Variants in SLC1A3 observed in about 807,000 individuals in gnomAD.
SLC1A3 encodes excitatory amino acid transporter 1.
SLC1A3 carries 21 observed loss-of-function variants against 48.1 expected under a neutral mutation model. The ratio of observed to expected loss-of-function variants is 0.44; its 90% CI spans 0.31 to 0.63. SLC1A3 has a LOEUF of 0.63. SLC1A3 is among the 20% of genes least tolerant of loss of function. The pLI is 0.08. For synonymous variants in SLC1A3, 239 were observed against 251.4 expected, an observed-to-expected ratio of 0.95 and a Z score of 0.47; for missense variants, 546 against 689.0, an observed-to-expected ratio of 0.79 and a Z score of 2.32.
intron 4 of SLC1A3, among the ~76,000 whole-genome samples, chr5:36,671,563 C>A (rs546998823): frequency 6.6e-6 from 1 of 152,288 alleles, no homozygotes; most frequent in South Asian, 2.1e-4. Flanking sequence ...AACTGCTGTT[C>A]TTTAAGGCTA....
intron 5 of SLC1A3, among the ~76,000 whole-genome samples, chr5:36,675,169 T>G (rs1024124250): frequency 1.3e-5 from 2 of 152,144 alleles, no homozygotes; most frequent in African/African-American, 4.8e-5. Context: ...CCTTTGTTTT[T>G]TTTCCCCTTG....
intron 3 of SLC1A3, among the ~76,000 whole-genome samples, chr5:36,664,080 A>G (rs942009371): frequency 1.3e-5 from 2 of 152,224 alleles, no homozygotes; most frequent in African/African-American, 2.4e-5. Context: ...GATCATAGGA[A>G]ACAAAGATGG....
chr5:36,620,465 T>C (rs1467451715), intron 2 of SLC1A3, among the ~76,000 whole-genome samples: 1 of 152,214 alleles, frequency 6.6e-6, no homozygotes, highest in Non-Finnish European at 1.5e-5. Flanking sequence ...AGAGGGGACA[T>C]TCCTTAGGGT....
intron 3 of SLC1A3, among the ~76,000 whole-genome samples, chr5:36,648,676 G>A (rs564244382): frequency 1.3e-5 from 2 of 152,308 alleles, no homozygotes; most frequent in South Asian, 4.1e-4. Flanking sequence ...AAAAAGTGCA[G>A]CGTCATCAAG....
At chr5:36,655,744 T>G (rs563928314) in intron 3 of SLC1A3, among the ~76,000 whole-genome samples, 1 of 152,318 alleles carries the variant, frequency 6.6e-6, no homozygotes, top group South Asian at 2.1e-4. Context: ...TCATCAAGCC[T>G]TTTGGGTTCC....
At chr5:36,644,014 A>AAAAT (rs57649957) in intron 3 of SLC1A3, among the ~76,000 whole-genome samples, 10,256 of 101,550 alleles carry the variant, frequency 0.1, 603 homozygotes, top group African/African-American at 0.2. Context: ...TCCGTCTCAA[A>AAAAT]AAATAAATAA....
At chr5:36,599,869 TG>T (rs1738788472) in intron 1 of SLC1A3, among the ~76,000 whole-genome samples, 2 of 152,028 alleles carry the variant, frequency 1.3e-5, no homozygotes, top group Admixed American at 1.3e-4. Context: ...CCAGGCTGGA[TG>T]GAGTGCAGTG....
Position 36,686,294 on chromosome 5 carries a change from GA to G in SLC1A3, c.*26del. On this transcript the variant is annotated 3_prime_UTR_variant, in exon 10 of 10. Transcript: ENST00000265113. ...GACTAACATAAAGAAACACTTTCTT[GA>G]GCACCAGGTGTTAAAAACCATTATA... 1.9e-6 allele frequency: 3 copies of G among 1,542,846 alleles called. No individual in the cohort carries two copies. The highest frequency in any genetic ancestry group is 1.4e-5 in the African/African-American group (1 of 73,474).
intron 3 of SLC1A3, among the ~76,000 whole-genome samples, chr5:36,652,199 G>A (rs146461325): frequency 6.6e-6 from 1 of 152,300 alleles, no homozygotes; most frequent in African/African-American, 2.4e-5. Context: ...GCTGTTGAAA[G>A]CAGTGAGTGT....
At chr5:36,612,067 GCGCACACACACACACA>G (rs372266079) in intron 2 of SLC1A3, among the ~76,000 whole-genome samples, 205 of 144,562 alleles carry the variant, frequency 1.4e-3, no homozygotes, top group African/African-American at 5.0e-3. Context: ...CTTGGCGCAC[GCGCACACACACACACA>G]CGCACACACA....
intron 2 of SLC1A3, chr5:36,609,329 G>A: frequency 1.2e-6 from 1 of 858,100 alleles, no homozygotes; most frequent in Non-Finnish European, 1.4e-6. Flanking sequence ...GGGTGGCATT[G>A]ATCCTACTTT....
At chr5:36,647,907 T>C (rs1047644259) in intron 3 of SLC1A3, among the ~76,000 whole-genome samples, 1 of 152,226 alleles carries the variant, frequency 6.6e-6, no homozygotes, top group African/African-American at 2.4e-5. Flanking sequence ...TGTTTGTTTG[T>C]TTGTTTATTG....
intron 1 of SLC1A3, among the ~76,000 whole-genome samples, chr5:36,607,665 T>G (rs933554883): frequency 2.6e-5 from 4 of 152,186 alleles, no homozygotes; most frequent in African/African-American, 9.7e-5. Flanking sequence ...TCAGATGATT[T>G]ATAGATGTGC....
At chr5:36,625,541 T>C (rs1051031339) in intron 2 of SLC1A3, among the ~76,000 whole-genome samples, 7 of 152,216 alleles carry the variant, frequency 4.6e-5, no homozygotes, top group African/African-American at 1.7e-4. Context: ...CGTTAACACA[T>C]AGTAAGGGCT....
intron 3 of SLC1A3, among the ~76,000 whole-genome samples, chr5:36,645,629 A>G (rs568991991): frequency 8.8e-4 from 134 of 152,050 alleles, no homozygotes; most frequent in African/African-American, 3.2e-3. Context: ...CCGGCCCTCC[A>G]TTGCCTTTTG....
chr5:36,666,049 CTT>C (rs1393669169), intron 3 of SLC1A3, among the ~76,000 whole-genome samples: 1 of 152,090 alleles, frequency 6.6e-6, no homozygotes, highest in African/African-American at 2.4e-5. Flanking sequence ...TTTGAAGTGA[CTT>C]TCTTTGTGCT....
At chr5:36,662,011 T>A (rs1741533011) in intron 3 of SLC1A3, among the ~76,000 whole-genome samples, 1 of 152,188 alleles carries the variant, frequency 6.6e-6, no homozygotes, top group Non-Finnish European at 1.5e-5. Flanking sequence ...TAAAGACAGC[T>A]TTTGTGGAAA....
chr5:36,646,540 C>T, intron 3 of SLC1A3, among the ~76,000 whole-genome samples: 1 of 152,170 alleles, frequency 6.6e-6, no homozygotes. Context: ...CTGTGATTTG[C>T]TTTTGGTGGC....
At chr5:36,658,971 C>T (rs939816079) in intron 3 of SLC1A3, among the ~76,000 whole-genome samples, 2 of 144,534 alleles carry the variant, frequency 1.4e-5, no homozygotes, top group African/African-American at 4.9e-5. Context: ...ATGACTGTGG[C>T]ACTTTACAAC....
Sources: allele counts gnomAD v4.1 joint callset (sites outside exome capture counted in the v4.1 genomes callset), GRCh38; gene constraint gnomAD v4.1.1; transcripts MANE v1.5; gene names NCBI Gene and HGNC (gene_info 2026-07-23, HGNC 2026-07-21).